MYO1H: variants seen among roughly 807,000 people sequenced by gnomAD.
The protein encoded by MYO1H is unconventional myosin-Ih.
A neutral mutation model predicts 149.3 loss-of-function variants in MYO1H; 118 were observed. The ratio of observed to expected loss-of-function variants is 0.79; its 90% CI spans 0.68 to 0.92. The LOEUF (loss-of-function observed/expected upper bound fraction) is 0.92. Among genes scored for constraint, MYO1H ranks in the 40% least tolerant of loss-of-function variants. The probability of loss-of-function intolerance (pLI) is 0.00; values close to 1 mark genes in which losing one functional copy is unlikely to be tolerated. For synonymous variants in MYO1H, 447 were observed against 465.2 expected (o/e 0.96, Z 0.50); for missense variants, 1,212 against 1,280.7 (o/e 0.95, Z 0.82).
At chr12:109,409,569 A>C in exon 11 of MYO1H, 2 of 1,613,844 alleles carry the variant, frequency 1.2e-6, no homozygotes, top group Non-Finnish European at 1.7e-6. Context: ...TTTCACCAGG[A>C]AAACTGTAAT....
intron 31 of MYO1H, chr12:109,446,472 T>C: frequency 1.0e-6 from 1 of 985,400 alleles, no homozygotes; most frequent in Non-Finnish European, 1.2e-6. Flanking sequence ...ACCTATAAAG[T>C]CATTTTGCAG....
intron 18 of MYO1H, among the ~76,000 whole-genome samples, chr12:109,426,933 G>T (rs1328687743): frequency 6.6e-6 from 1 of 152,134 alleles, no homozygotes; most frequent in Non-Finnish European, 1.5e-5. Flanking sequence ...GTTGCCATGT[G>T]GGACTCTGGC....
intron 15 of MYO1H, among the ~76,000 whole-genome samples, chr12:109,419,212 A>T (rs1245956287): frequency 1.3e-5 from 2 of 151,890 alleles, no homozygotes; most frequent in African/African-American, 4.9e-5. Flanking sequence ...ACACACACAC[A>T]CACACTCACT....
chr12:109,408,312 C>T (rs575084133), intron 10 of MYO1H, among the ~76,000 whole-genome samples: 2 of 151,912 alleles, frequency 1.3e-5, no homozygotes, highest in African/African-American at 4.8e-5. Flanking sequence ...GCTGGAACTA[C>T]AGTTGCATAC....
At chr12:109,387,568 A>C (rs1869402632) in intron 1 of MYO1H, among the ~76,000 whole-genome samples, 1 of 152,134 alleles carries the variant, frequency 6.6e-6, no homozygotes, top group African/African-American at 2.4e-5. Flanking sequence ...CACTGGAGGG[A>C]CATTGCAAAG....
chr12:109,438,226 T>C (rs534020696), intron 22 of MYO1H, among the ~76,000 whole-genome samples: 10 of 152,184 alleles, frequency 6.6e-5, no homozygotes, highest in Non-Finnish European at 1.3e-4. Context: ...GTAAGACTAA[T>C]CTGTACCATC....
chr12:109,409,240 C>CTTTTTTTTT (rs1870542742), intron 10 of MYO1H, among the ~76,000 whole-genome samples: 6 of 91,030 alleles, frequency 6.6e-5, no homozygotes, highest in African/African-American at 1.6e-4. Context: ...TCTTCTTCTT[C>CTTTTTTTTT]TTCTTCTTTT....
At chr12:109,377,576 A>T (rs973737108) in intron 1 of MYO1H, among the ~76,000 whole-genome samples, 1 of 152,204 alleles carries the variant, frequency 6.6e-6, no homozygotes, top group Admixed American at 6.5e-5. Flanking sequence ...ACTTGGTGGA[A>T]ACAAACCATA....
the MYO1H span, among the ~76,000 whole-genome samples, chr12:109,330,262 G>A: frequency 6.6e-6 from 1 of 150,900 alleles, no homozygotes; most frequent in African/African-American, 2.4e-5. Context: ...GTGTAGATAC[G>A]TGGATGAAAA....
At chr12:109,320,805 C>T in the MYO1H span, among the ~76,000 whole-genome samples, 1 of 152,008 alleles carries the variant, frequency 6.6e-6, no homozygotes, top group South Asian at 2.1e-4. Flanking sequence ...AAAGAAGATC[C>T]TCGGCTGGGC....
At chr12:109,397,039 G>A (rs1385678374) in intron 4 of MYO1H, among the ~76,000 whole-genome samples, 1 of 151,706 alleles carries the variant, frequency 6.6e-6, no homozygotes, top group Non-Finnish European at 1.5e-5. Flanking sequence ...TGTTGGCCAG[G>A]CTAGTCTGGA....
exon 4 of MYO1H, chr12:109,396,473 A>G (rs368488402): frequency 1.2e-6 from 2 of 1,613,858 alleles, no homozygotes; most frequent in Non-Finnish European, 1.7e-6. Flanking sequence ...GGGGCAGGGA[A>G]AACAGAGGCC....
At chr12:109,396,819 T>TTG (rs1276449956) in intron 4 of MYO1H, among the ~76,000 whole-genome samples, 2 of 118,284 alleles carry the variant, frequency 1.7e-5, no homozygotes, top group Admixed American at 8.5e-5. Context: ...GTTTCGTTTT[T>TTG]TTTTTTTTTT....
At chr12:109,405,775 G>A (rs1870351875) in intron 7 of MYO1H, 147 bp from the exon 8 acceptor site, 1 of 647,740 alleles carries the variant, frequency 1.5e-6, no homozygotes, top group Non-Finnish European at 2.8e-6. Context: ...GAAGCAGGAG[G>A]GCTTGGTTCT....
At chr12:109,379,852 C>A (rs995159012) in intron 1 of MYO1H, among the ~76,000 whole-genome samples, 1 of 150,798 alleles carries the variant, frequency 6.6e-6, no homozygotes, top group Admixed American at 6.6e-5. Flanking sequence ...TTTGCCTCAG[C>A]CTCCCAAGTA....
chr12:109,441,703 G>A (rs747138203), exon 26 of MYO1H: 14 of 1,607,378 alleles, frequency 8.7e-6, no homozygotes, highest in African/African-American at 6.7e-5. Flanking sequence ...GTCAACAGTC[G>A]GATAGGTAAG....
At chr12:109,401,983 G>T (rs776544885) in intron 6 of MYO1H, among the ~76,000 whole-genome samples, 2 of 151,978 alleles carry the variant, frequency 1.3e-5, no homozygotes, top group African/African-American at 4.8e-5. Context: ...AGAGAGATCC[G>T]CCTGCCTCAG....
intron 27 of MYO1H, 123 bp from the exon 28 acceptor site, chr12:109,443,391 C>CAT: frequency 1.1e-6 from 1 of 942,032 alleles, no homozygotes; most frequent in South Asian, 1.6e-5. Flanking sequence ...CACACACACA[C>CAT]ACATACACGC....
At chr12:109,382,259 A>G (rs1489624461) in intron 1 of MYO1H, among the ~76,000 whole-genome samples, 1 of 152,156 alleles carries the variant, frequency 6.6e-6, no homozygotes, top group African/African-American at 2.4e-5. Context: ...TCTAATTCAA[A>G]CAACCAGTTT....
Sources: allele counts gnomAD v4.1 joint callset (sites outside exome capture counted in the v4.1 genomes callset), GRCh38; gene constraint gnomAD v4.1.1; transcripts MANE v1.5; gene names NCBI Gene and HGNC (gene_info 2026-07-23, HGNC 2026-07-21).